The following ARID5B variants were observed in gnomAD, a reference collection of about 807,000 sequenced individuals.
The protein encoded by ARID5B is AT-rich interactive domain-containing protein 5B.
Under a neutral mutation model 97.2 loss-of-function variants are expected in ARID5B, and 13 were observed. The ratio of observed to expected loss-of-function variants is 0.13; its 90% confidence interval spans 0.09 to 0.21. The LOEUF (loss-of-function observed/expected upper bound fraction) is 0.21, where lower values mean the gene tolerates loss of function less well. Ranked by LOEUF, ARID5B falls within the 10% of genes least tolerant of loss-of-function variation. The pLI, the probability that ARID5B is intolerant of heterozygous loss-of-function variation, is 1.00. For missense variants in ARID5B, 1,210 were observed against 1,465.3 expected, an observed-to-expected ratio of 0.83 and a Z score of 2.84; for synonymous variants, 556 against 570.3, an observed-to-expected ratio of 0.97 and a Z score of 0.36.
At chr10:62,051,250 A>T in intron 5 of ARID5B, 1 of 582,418 alleles carries the variant, frequency 1.7e-6, no homozygotes. Flanking sequence ...TTGGCCTGTT[A>T]TGAGTAAAGG....
At chr10:61,908,820 A>G (rs868176677) in intron 2 of ARID5B, among the ~76,000 whole-genome samples, 51 of 146,250 alleles carry the variant, frequency 3.5e-4, no homozygotes, top group East Asian at 1.2e-3. Flanking sequence ...AAAAAAAAAA[A>G]AAGAAGAAGA....
At position 62,092,600 on chromosome 10, in the gene ARID5B, C is replaced by T; in HGVS notation, c.3137C>T (p.Ala1046Val). Reference protein sequence around the residue: ...PSKEVSGKEKASEQESEGSKA... With the variant: ...PSKEVSGKEKVSEQESEGSKA... ...AAGGAGGTCTCTGGGAAGGAGAAGGCCTCTGAGCAGGAGAGTGAAGGCAGC... is the reference window on the plus strand; with the variant it reads ...AAGGAGGTCTCTGGGAAGGAGAAGGTCTCTGAGCAGGAGAGTGAAGGCAGC... The change falls in exon 10 of 10, where the codon GCC (alanine) becomes GTC (valine). Residue 1046 changes from alanine to valine, a missense_variant. By Grantham distance (64) the Ala-to-Val change is moderately conservative. Around this residue, in one of 8 missense-constraint regions of ARID5B, gnomAD observed 800 missense variants for 839.1 expected, o/e 0.95. Coordinates refer to ENST00000279873, the MANE Select transcript of ARID5B (RefSeq NM_032199.3). 6.2e-7 allele frequency: 1 copy of T among 1,614,178 alleles called. No homozygotes were observed. Among genetic ancestry groups the T allele is most frequent in the Non-Finnish European group, 8.5e-7 (1 of 1,180,026 alleles).
At chr10:61,922,659 T>C (rs911923785) in intron 2 of ARID5B, among the ~76,000 whole-genome samples, 3 of 152,198 alleles carry the variant, frequency 2.0e-5, no homozygotes, top group Non-Finnish European at 2.9e-5. Context: ...CTTTAAATCA[T>C]GTTGGCATAC....
At chr10:62,048,812 A>G (rs548238788) in intron 4 of ARID5B, among the ~76,000 whole-genome samples, 1 of 152,384 alleles carries the variant, frequency 6.6e-6, no homozygotes, top group Non-Finnish European at 1.5e-5. Context: ...TTTTAGGTCT[A>G]AGTGCTTTTC....
chr10:62,019,623 A>G (rs1455710244), intron 4 of ARID5B, among the ~76,000 whole-genome samples: 1 of 152,234 alleles, frequency 6.6e-6, no homozygotes, highest in African/African-American at 2.4e-5. Context: ...CCCATGTCAT[A>G]CACTACATGT....
intron 2 of ARID5B, among the ~76,000 whole-genome samples, chr10:61,910,182 C>T (rs920830401): frequency 3.9e-5 from 6 of 152,170 alleles, no homozygotes; most frequent in Non-Finnish European, 8.8e-5. Flanking sequence ...TTATGAAATA[C>T]AAGAGTCCAT....
intron 4 of ARID5B, among the ~76,000 whole-genome samples, chr10:62,034,936 G>C (rs1395969789): frequency 6.6e-6 from 1 of 152,212 alleles, no homozygotes; most frequent in East Asian, 1.9e-4. Flanking sequence ...CCTAGGTGTT[G>C]CTGACTTTTT....
chr10:61,989,164 C>G (rs1407152949), intron 3 of ARID5B, among the ~76,000 whole-genome samples: 1 of 152,018 alleles, frequency 6.6e-6, no homozygotes, highest in Non-Finnish European at 1.5e-5. Flanking sequence ...CTCCTGATCT[C>G]AAGATCCGCC....
At position 62,091,318 on chromosome 10, in the gene ARID5B, A is replaced by T; in HGVS notation, c.1855A>T (p.Met619Leu). 6.2e-7 allele frequency: 1 copy of T among 1,614,192 alleles called. No individual in the cohort carries two copies. The highest frequency in any genetic ancestry group is 8.5e-7 in the Non-Finnish European group (1 of 1,180,024). The change falls in exon 10 of 10, where the codon ATG becomes TTG. Residue 619 changes from methionine to leucine, a missense_variant. Coordinates refer to ENST00000279873, the MANE Select transcript of ARID5B (RefSeq NM_032199.3). ...GACGGAGGATGACAAACTGCCCGCC[A>T]TGGCAGATTACATTGCCAACTGCAC... ...NETEDDKLPA[M>L]ADYIANCTVK...
At chr10:62,044,373 CTCT>C (rs748628095) in intron 4 of ARID5B, among the ~76,000 whole-genome samples, 12 of 84,842 alleles carry the variant, frequency 1.4e-4, no homozygotes, top group Non-Finnish European at 2.1e-4. Context: ...GGTTCATTTG[CTCT>C]TTTTTTTTTT....
intron 9 of ARID5B, among the ~76,000 whole-genome samples, chr10:62,087,297 T>TTAAAAA (rs1214494038): frequency 1.7e-3 from 2 of 1,172 alleles, no homozygotes; most frequent in Admixed American, 8.9e-3. Flanking sequence ...AGACTCTATC[T>TTAAAAA]CAAAAAAAAA....
At chr10:62,061,761 A>C (rs1006425074) in intron 7 of ARID5B, among the ~76,000 whole-genome samples, 4 of 151,944 alleles carry the variant, frequency 2.6e-5, no homozygotes, top group Non-Finnish European at 5.9e-5. Flanking sequence ...AGGGCAGAGA[A>C]CTCTTCCTGC....
chr10:61,929,327 G>A (rs750842427), intron 2 of ARID5B, among the ~76,000 whole-genome samples: 11 of 152,122 alleles, frequency 7.2e-5, no homozygotes, highest in Non-Finnish European at 4.4e-5. Flanking sequence ...ATGCTTTCCT[G>A]TTCTTGTTCC....
intron 4 of ARID5B, among the ~76,000 whole-genome samples, chr10:62,047,138 A>T (rs1282039133): frequency 6.6e-6 from 1 of 152,158 alleles, no homozygotes; most frequent in Admixed American, 6.5e-5. Context: ...ATGGTCTGAG[A>T]CAAGTAATTT....
At position 61,942,782 on chromosome 10, in the gene ARID5B, C is replaced by T. The variant is rs142700659; in HGVS notation, c.502+2374C>T. 7.1e-3 allele frequency among the ~76,000 whole-genome samples: 1,073 copies of T among 152,146 alleles called. 6 individuals carry two copies. The highest frequency in any genetic ancestry group is 0.011 in the Non-Finnish European group (737 of 67,996). ...TGCACTCCAGCCTGGGCGACAACAGCGAGGCTCTGTCTCAAAAACAAAACA... is the reference window on the plus strand; with the variant it reads ...TGCACTCCAGCCTGGGCGACAACAGTGAGGCTCTGTCTCAAAAACAAAACA... On this transcript the variant is annotated intron_variant, in intron 3 of 9. Transcript: ENST00000279873.
intron 2 of ARID5B, among the ~76,000 whole-genome samples, chr10:61,924,517 A>C (rs1219195077): frequency 6.6e-6 from 1 of 152,224 alleles, no homozygotes; most frequent in Admixed American, 6.5e-5. Context: ...AAATAAAGCT[A>C]TGGGTCTCAA....
chr10:61,975,679 C>A (rs1002450825), intron 3 of ARID5B, among the ~76,000 whole-genome samples: 2 of 152,084 alleles, frequency 1.3e-5, no homozygotes, highest in African/African-American at 4.8e-5. Flanking sequence ...TGCATGAGTA[C>A]CATCATTATT....
At chr10:61,951,444 A>G (rs971857415) in intron 3 of ARID5B, among the ~76,000 whole-genome samples, 10 of 152,094 alleles carry the variant, frequency 6.6e-5, no homozygotes, top group African/African-American at 2.2e-4. Flanking sequence ...AACTATTTCT[A>G]TTATCTTTTA....
chr10:61,908,075 C>A (rs1843735056), intron 2 of ARID5B, among the ~76,000 whole-genome samples: 1 of 152,106 alleles, frequency 6.6e-6, no homozygotes, highest in African/African-American at 2.4e-5. Context: ...GTTTACATAT[C>A]CAATCCAATT....
Sources: gnomAD v4.1 joint callset for allele counts (sites outside exome capture counted in the v4.1 genomes callset) on GRCh38, gnomAD v4.1.1 for gene constraint, gnomAD v4.1.1 regional missense constraint, MANE v1.5 for transcripts, NCBI Gene and HGNC (gene_info 2026-07-23, HGNC 2026-07-21) for gene names.